NAA38: variants seen among roughly 807,000 people sequenced by gnomAD.
NAA38 encodes LSM domain containing 1.
Under a neutral mutation model 12.6 loss-of-function variants are expected in NAA38, and 15 were observed. The observed-to-expected ratio is 1.19, with a 90% CI of 0.79 to 1.83. The LOEUF (loss-of-function observed/expected upper bound fraction) is 1.83, where lower values mean the gene tolerates loss of function less well. Ranked by LOEUF, NAA38 falls within the 40% of genes most tolerant of loss-of-function variation. NAA38 has a pLI of 0.00. For synonymous variants in NAA38, 88 were observed against 69.9 expected, an observed-to-expected ratio of 1.26 and a Z score of -1.29; for missense variants, 183 against 171.7, an observed-to-expected ratio of 1.07 and a Z score of -0.37.
chr17:7,870,312 G>A (rs916400541), intron 2 of NAA38, among the ~76,000 whole-genome samples: 2 of 152,096 alleles, frequency 1.3e-5, no homozygotes, highest in Non-Finnish European at 2.9e-5. Context: ...TAAAAAACTT[G>A]CAGAAGGCAA....
intron 2 of NAA38, among the ~76,000 whole-genome samples, chr17:7,867,222 C>T (rs563809132): frequency 1.2e-4 from 18 of 151,892 alleles, no homozygotes; most frequent in Admixed American, 8.5e-4. Flanking sequence ...GACGCTGAGC[C>T]AGACCAAATC....
chr17:7,873,092 A>T (rs1967114848), intron 2 of NAA38, among the ~76,000 whole-genome samples: 1 of 152,202 alleles, frequency 6.6e-6, no homozygotes, highest in Admixed American at 6.5e-5. Context: ...TGACTTGGTA[A>T]TATTAGGGCT....
chr17:7,867,207 T>A (rs1967000125), intron 2 of NAA38, among the ~76,000 whole-genome samples: 2 of 151,740 alleles, frequency 1.3e-5, no homozygotes, highest in African/African-American at 4.8e-5. Context: ...GGGAAGCCAA[T>A]GAGAGACGCT....
chr17:7,871,446 G>GT (rs1967083992), intron 2 of NAA38, among the ~76,000 whole-genome samples: 2 of 152,010 alleles, frequency 1.3e-5, no homozygotes. Context: ...TACTACTTTT[G>GT]TATTTTTTTT....
At chr17:7,879,651 AAT>A (rs1440885423) in intron 2 of NAA38, among the ~76,000 whole-genome samples, 2 of 152,156 alleles carry the variant, frequency 1.3e-5, no homozygotes, top group African/African-American at 2.4e-5. Context: ...AAACAAAAAA[AAT>A]ATTCTCCTGT....
intron 2 of NAA38, among the ~76,000 whole-genome samples, chr17:7,876,579 C>T (rs1967178560): frequency 6.6e-6 from 1 of 152,162 alleles, no homozygotes; most frequent in South Asian, 2.1e-4. Context: ...ACCTCAAATG[C>T]AACTACATAT....
At chr17:7,859,567 A>T, upstream of NAA38, 1 of 1,614,160 alleles carries the variant, frequency 6.2e-7, no homozygotes. Flanking sequence ...CACTTCACAC[A>T]CCTGCAATAC....
rs1046210369 is a variant in NAA38 at position 7,874,916 on chromosome 17, C to T, written c.-66+8319G>A. On this transcript the variant is annotated intron_variant, in intron 2 of 4. Transcript: ENST00000576861. ...AAAAAAAAAAAAAAAAAAATTAGGT[C>T]GGGTGTGGTGGCTCACACCTGTAAT... Among the ~76,000 whole-genome samples, 15 of 144,980 alleles carry T rather than the reference C, an allele frequency of 1.0e-4. No individual in the cohort carries two copies. The East Asian group carries it at 1.8e-3, about 18-fold the overall frequency.
At chr17:7,878,849 C>T (rs1263768644) in intron 2 of NAA38, among the ~76,000 whole-genome samples, 1 of 151,890 alleles carries the variant, frequency 6.6e-6, no homozygotes, top group Non-Finnish European at 1.5e-5. Context: ...TCCCCCTTCC[C>T]CACTAAAATC....
chr17:7,884,906 GA>G, intron 1 of NAA38: 1 of 1,413,826 alleles, frequency 7.1e-7, no homozygotes, highest in Non-Finnish European at 9.4e-7. Context: ...GGAGGAGGAG[GA>G]GGAGGTGGAG....
intron 2 of NAA38, among the ~76,000 whole-genome samples, chr17:7,871,123 C>T (rs1967078765): frequency 6.6e-6 from 1 of 152,206 alleles, no homozygotes; most frequent in African/African-American, 2.4e-5. Context: ...GCTTCTTTCT[C>T]AATTGCTATT....
chr17:7,857,200 T>C lies in NAA38; in HGVS notation c.82-2A>G. 1 of 1,612,996 alleles carries C rather than the reference T, an allele frequency of 6.2e-7. No homozygotes were observed. Among genetic ancestry groups the C allele is most frequent in the Non-Finnish European group, 8.5e-7 (1 of 1,179,986 alleles). The stretch of plus-strand genomic sequence containing the variant: ...GTCCTCGCGCTCTCCGTCCGAATCC[T>C]GCGCGGGGTGTAACAAGCGCTCAGA... On this transcript the variant is annotated splice_acceptor_variant, in intron 1 of 2. Coordinates refer to ENST00000575771, the MANE Select transcript of NAA38 (RefSeq NM_001320925.4). LOFTEE classifies it high-confidence loss of function.
chr17:7,859,264 C>T, upstream of NAA38: 4 of 756,808 alleles, frequency 5.3e-6, no homozygotes, highest in Non-Finnish European at 8.5e-6. Context: ...GCTTTTTTTT[C>T]CCGGGGCCGT....
At chr17:7,859,627 A>G, upstream of NAA38, 2 of 1,609,388 alleles carry the variant, frequency 1.2e-6, no homozygotes, top group East Asian at 2.2e-5. Flanking sequence ...GGAGATGTAC[A>G]CTCGTGTAGA....
At chr17:7,878,722 G>A (rs59328845) in intron 2 of NAA38, among the ~76,000 whole-genome samples, 10,915 of 152,050 alleles carry the variant, frequency 0.072, 714 homozygotes, top group East Asian at 0.38. Flanking sequence ...ATGAAACTAC[G>A]TCTCATAAAA....
At chr17:7,859,379 C>T (rs1308318125), upstream of NAA38, 1 of 1,613,130 alleles carries the variant, frequency 6.2e-7, no homozygotes, top group African/African-American at 1.3e-5. Flanking sequence ...CTGTGTTCTC[C>T]AGGTGGGGGT....
chr17:7,857,695 C>T (rs2078840092), upstream of NAA38: 1 of 1,314,826 alleles, frequency 7.6e-7, no homozygotes, highest in East Asian at 2.9e-5. Context: ...AGACCTTTAC[C>T]TCTGGTTTCT....
At chr17:7,859,272 C>G, upstream of NAA38, 1 of 814,938 alleles carries the variant, frequency 1.2e-6, no homozygotes, top group Non-Finnish European at 2.0e-6. Flanking sequence ...TTCCCGGGGC[C>G]GTAGAGTACC....
At chr17:7,884,214 G>A (rs1423935931) in intron 1 of NAA38, among the ~76,000 whole-genome samples, 2 of 151,082 alleles carry the variant, frequency 1.3e-5, no homozygotes, top group African/African-American at 4.9e-5. Context: ...GAGGAGAATG[G>A]GGGGGTGAAA....
Sources: allele counts gnomAD v4.1 joint callset (sites outside exome capture counted in the v4.1 genomes callset), GRCh38; gene constraint gnomAD v4.1.1; transcripts MANE v1.5; gene names NCBI Gene and HGNC (gene_info 2026-07-23, HGNC 2026-07-21).